Variants in SNAP91 observed in about 807,000 individuals in gnomAD.
SNAP91 encodes synaptosome associated protein 91, also known as clathrin coat assembly protein AP180.
SNAP91 carries 27 observed loss-of-function variants against 100.3 expected under a neutral mutation model. That is an observed-to-expected ratio of 0.27 (90% confidence interval 0.20 to 0.37). The LOEUF (loss-of-function observed/expected upper bound fraction) is 0.37. Ranked by LOEUF, SNAP91 falls within the 10% of genes least tolerant of loss-of-function variation. The pLI is 1.00. For missense variants in SNAP91, 986 were observed against 1,123.7 expected, an observed-to-expected ratio of 0.88 and a Z score of 1.75; for synonymous variants, 404 against 398.6, an observed-to-expected ratio of 1.01 and a Z score of -0.16.
chr6:83,663,590 G>A (rs1183291695), intron 3 of SNAP91, among the ~76,000 whole-genome samples: 2 of 152,122 alleles, frequency 1.3e-5, no homozygotes, highest in East Asian at 3.9e-4. Context: ...TAGGAGGGCT[G>A]AGAGAGGTGA....
At chr6:83,643,614 C>A (rs577632507) in intron 7 of SNAP91, among the ~76,000 whole-genome samples, 1 of 152,130 alleles carries the variant, frequency 6.6e-6, no homozygotes, top group Non-Finnish European at 1.5e-5. Context: ...TTGTCTCATA[C>A]TTGAGAGTTA....
At chr6:83,575,435 A>G in intron 25 of SNAP91, 1 of 358,686 alleles carries the variant, frequency 2.8e-6, no homozygotes. Context: ...GCAAATAAAT[A>G]TATCATATAT....
chr6:83,607,064 A>G (rs533308879), intron 13 of SNAP91, among the ~76,000 whole-genome samples: 5 of 152,214 alleles, frequency 3.3e-5, no homozygotes, highest in Admixed American at 1.3e-4. Context: ...AAGATACTAC[A>G]AAATGATATT....
intron 8 of SNAP91, among the ~76,000 whole-genome samples, chr6:83,624,360 T>G (rs1169222572): frequency 6.6e-6 from 1 of 152,032 alleles, no homozygotes; most frequent in East Asian, 1.9e-4. Context: ...ATAATGAAAT[T>G]GAGGTTCAAA....
chr6:83,560,769 G>T, intron 27 of SNAP91, 95 bp downstream of exon 27: 1 of 1,115,494 alleles, frequency 9.0e-7, no homozygotes, highest in Non-Finnish European at 1.3e-6. Flanking sequence ...TGTGTTTTGG[G>T]AAAAATTATA....
chr6:83,623,093 T>C (rs1435060654), intron 9 of SNAP91, among the ~76,000 whole-genome samples: 1 of 152,150 alleles, frequency 6.6e-6, no homozygotes, highest in African/African-American at 2.4e-5. Flanking sequence ...AAGAAGAAAC[T>C]ATATCATAAG....
Position 83,656,809 on chromosome 6 carries a change from G to A in SNAP91, c.603C>T (p.Phe201=), listed in dbSNP as rs534124926. ...AAGCAAAAAGTTTGATAAGATCTTTGAAAAGAAGCATAAATGCTGCATTTA... is the reference window on the plus strand; with the variant it reads ...AAGCAAAAAGTTTGATAAGATCTTTAAAAAGAAGCATAAATGCTGCATTTA... ...GVINAAFMLL[F]KDLIKLFACY... is the part of the protein sequence containing the mutation. Residue 201 remains phenylalanine, a synonymous_variant, in exon 7 of 30, where the codon TTC becomes TTT. Transcript: ENST00000369694. 6 of 1,607,958 alleles carry A rather than the reference G, an allele frequency of 3.7e-6. No homozygotes were observed. The African/African-American group carries it at 8.0e-5, about 22-fold the overall frequency.
chr6:83,613,649 T>C (rs372989363), intron 11 of SNAP91, among the ~76,000 whole-genome samples: 1 of 152,228 alleles, frequency 6.6e-6, no homozygotes, highest in Non-Finnish European at 1.5e-5. Context: ...TCCAAGTCTA[T>C]ATGCCCCTCA....
intron 7 of SNAP91, among the ~76,000 whole-genome samples, chr6:83,653,575 C>T (rs1460121737): frequency 6.6e-6 from 1 of 152,052 alleles, no homozygotes; most frequent in Admixed American, 6.6e-5. Context: ...TGCTTTAAAT[C>T]CCCAGTCTGA....
intron 26 of SNAP91, among the ~76,000 whole-genome samples, chr6:83,568,112 T>C (rs1799753686): frequency 6.6e-6 from 1 of 151,828 alleles, no homozygotes; most frequent in East Asian, 1.9e-4. Context: ...CCAACAATGA[T>C]AGACTGGATT....
chr6:83,673,876 T>C (rs761660097), intron 2 of SNAP91, among the ~76,000 whole-genome samples: 1 of 152,176 alleles, frequency 6.6e-6, no homozygotes, highest in Non-Finnish European at 1.5e-5. Context: ...GACTCTTTCT[T>C]TCATAATAAA....
At chr6:83,702,653 TGA>T (rs2099328432) in intron 2 of SNAP91, among the ~76,000 whole-genome samples, 1 of 151,842 alleles carries the variant, frequency 6.6e-6, no homozygotes, top group Non-Finnish European at 1.5e-5. Flanking sequence ...AAAATCAAAT[TGA>T]GTTATCAATT....
At chr6:83,600,175 G>A (rs1428883380) in intron 16 of SNAP91, among the ~76,000 whole-genome samples, 1 of 152,152 alleles carries the variant, frequency 6.6e-6, no homozygotes, top group South Asian at 2.1e-4. Context: ...GGACAGCAAG[G>A]CAGCAGAAAA....
At chr6:83,642,178 CTTT>C (rs1371646340) in intron 7 of SNAP91, among the ~76,000 whole-genome samples, 5 of 151,320 alleles carry the variant, frequency 3.3e-5, no homozygotes, top group Non-Finnish European at 7.4e-5. Flanking sequence ...TTTCAGTATT[CTTT>C]TTTTAATTTA....
chr6:83,611,770 C>T (rs923660333), intron 11 of SNAP91, among the ~76,000 whole-genome samples: 1 of 151,160 alleles, frequency 6.6e-6, no homozygotes, highest in African/African-American at 2.4e-5. Flanking sequence ...AATCTCAGCT[C>T]ACTGCAAGCT....
intron 8 of SNAP91, among the ~76,000 whole-genome samples, chr6:83,623,866 AAAT>A (rs1315210826): frequency 1.3e-5 from 2 of 152,244 alleles, no homozygotes; most frequent in South Asian, 2.1e-4. Flanking sequence ...ATTACAACAC[AAAT>A]AATAACATAT....
In SNAP91 at chr6:83,649,237, T is replaced by C. The variant is rs114052082; in HGVS notation, c.658+7517A>G. Among the ~76,000 whole-genome samples the C allele has an allele frequency of 7.2e-3, 1,102 of 152,310 alleles. 6 individuals carry two copies. The highest frequency in any genetic ancestry group is 0.025 in the African/African-American group (1,026 of 41,570). ...TGGATGATTCTGGCTCAGGACCTCA[T>C]GAAGTTATAGTCAAACTGCTGGCCA... On this transcript the variant is annotated intron_variant, in intron 7 of 29. Coordinates refer to ENST00000369694, the MANE Select transcript of SNAP91 (RefSeq NM_001242792.2).
intron 22 of SNAP91, among the ~76,000 whole-genome samples, chr6:83,589,630 T>C (rs1163152086): frequency 1.3e-5 from 2 of 152,170 alleles, no homozygotes; most frequent in Admixed American, 6.5e-5. Flanking sequence ...AAGACTGTTA[T>C]GTTTGATCAT....
intron 2 of SNAP91, among the ~76,000 whole-genome samples, chr6:83,691,688 C>G (rs1051332685): frequency 6.6e-6 from 1 of 152,056 alleles, no homozygotes; most frequent in African/African-American, 2.4e-5. Context: ...AAAGTCACTC[C>G]ATATATGTTT....
Sources: gnomAD v4.1 joint callset for allele counts (sites outside exome capture counted in the v4.1 genomes callset) on GRCh38, gnomAD v4.1.1 for gene constraint, MANE v1.5 for transcripts, NCBI Gene and HGNC (gene_info 2026-07-23, HGNC 2026-07-21) for gene names.